Variants in SLC12A2 observed in about 807,000 individuals in gnomAD.
SLC12A2 encodes solute carrier family 12 member 2.
SLC12A2 carries 67 observed loss-of-function variants against 136.3 expected under a neutral mutation model. That is an observed-to-expected ratio of 0.49 (90% CI 0.40 to 0.60). The LOEUF (loss-of-function observed/expected upper bound fraction) is 0.60, where lower values mean the gene tolerates loss of function less well. Ranked by LOEUF, SLC12A2 falls within the 20% of genes least tolerant of loss-of-function variation. The pLI is 0.00. For synonymous variants in SLC12A2, 619 were observed against 562.9 expected (o/e 1.10, Z -1.41); for missense variants, 1,322 against 1,534.7 (o/e 0.86, Z 2.32).
At position 128,147,496 on chromosome 5, in the gene SLC12A2, G is replaced by T. The variant is rs142987216; in HGVS notation, c.1774-126G>T. The T allele has an allele frequency of 1.5e-3, 925 of 597,830 alleles. 14 individuals carry two copies. In the East Asian group the frequency reaches 0.026, roughly 17 times the overall value. 37.0% of individuals were successfully genotyped at this position (597,830 alleles called of 1,614,324 possible). ...AGATATTTGTAATGCACATAGCGTTGTTGTTATTATTATTATAAAATGATC... is the reference window on the plus strand; with the variant it reads ...AGATATTTGTAATGCACATAGCGTTTTTGTTATTATTATTATAAAATGATC... On this transcript the variant is annotated intron_variant, in intron 10 of 26. Transcript: ENST00000262461.
chr5:128,170,246 T>G (rs1252026899), intron 18 of SLC12A2: 1 of 152,214 alleles, frequency 6.6e-6, no homozygotes, highest in Non-Finnish European at 1.5e-5. Flanking sequence ...TTTAGTCGAT[T>G]TATTAAACAA....
At position 128,084,286 on chromosome 5, in the gene SLC12A2, C is replaced by T; in HGVS notation, c.332C>T (p.Ala111Val). ...AAAAAAAGAGAGAKQTPADGE... is the reference protein window; with the variant it reads ...AAAAAAAGAGVGAKQTPADGE... ...GCAGCGGCGGCGGCTGGTGCTGGGG[C>T]GGGGGCCAAGCAGACCCCCGCGGAC... is the stretch of plus-strand genomic sequence containing the variant. Residue 111 changes from alanine (A) to valine (V), a missense_variant, in exon 1 of 27, where the codon GCG (alanine) becomes GTG (valine). By Grantham distance (64) the Ala-to-Val change is moderately conservative. Coordinates refer to ENST00000262461, the MANE Select transcript of SLC12A2 (RefSeq NM_001046.3). The surrounding 1 kb of genome is among the most constrained non-coding windows in gnomAD (Gnocchi z 5.6). The T allele has an allele frequency of 2.1e-6, 3 of 1,456,616 alleles. No homozygotes were observed. The highest frequency in any genetic ancestry group is 2.7e-5 in the Admixed American group (1 of 37,622). 90.2% of individuals were successfully genotyped at this position (1,456,616 alleles called of 1,614,324 possible). A position where few individuals can be genotyped will look rare whatever the true frequency, so the allele number is the denominator to read the frequency against.
intron 16 of SLC12A2, among the ~76,000 whole-genome samples, chr5:128,158,815 C>A (rs1467706747): frequency 6.6e-6 from 1 of 151,412 alleles, no homozygotes; most frequent in African/African-American, 2.4e-5. Context: ...TACATTCCCA[C>A]CAGCAGTGTA....
At chr5:128,152,060 A>T (rs1762720050) in intron 14 of SLC12A2, among the ~76,000 whole-genome samples, 1 of 152,162 alleles carries the variant, frequency 6.6e-6, no homozygotes, top group South Asian at 2.1e-4. Flanking sequence ...GAAAGGCTTC[A>T]TCTGGGCTCA....
intron 10 of SLC12A2, among the ~76,000 whole-genome samples, chr5:128,144,700 C>CA (rs1762474366): frequency 6.6e-6 from 1 of 152,078 alleles, no homozygotes. Context: ...TGTACACACA[C>CA]ACATGCATAC....
Position 128,158,163 on chromosome 5 carries a change from T to C in SLC12A2, c.2474T>C (p.Met825Thr), listed in dbSNP as rs1167874915. 6 of 1,595,536 alleles carry C rather than the reference T, an allele frequency of 3.8e-6. No homozygotes were observed. The highest frequency in any genetic ancestry group is 1.8e-5 in the Admixed American group (1 of 56,446). The change falls in exon 16 of 27, where the codon ATG (methionine) becomes ACG (threonine). Residue 825 changes from methionine to threonine, a missense_variant and splice_region_variant. By Grantham distance (81) the Met-to-Thr change is moderately conservative (BLOSUM62 -1). This residue lies in a region of SLC12A2 where 294 missense variants were observed against 436.6 expected (regional missense o/e 0.67). Transcript: ENST00000262461. ...TTGATGATCTGTGGCCATGTACATA[T>C]GGTAAGTATCAATTTTGTTTTCTTT... is the stretch of plus-strand genomic sequence containing the variant. Reference protein sequence around the residue: ...VGLMICGHVHMGPRRQAMKEM... With the variant: ...VGLMICGHVHTGPRRQAMKEM...
intron 26 of SLC12A2, 79 bp downstream of exon 26, chr5:128,184,935 T>C (rs1391412402): frequency 1.6e-5 from 19 of 1,216,628 alleles, no homozygotes; most frequent in Non-Finnish European, 1.7e-5. Context: ...CAAGTACATA[T>C]CTATATAACA....
intron 4 of SLC12A2, among the ~76,000 whole-genome samples, chr5:128,121,267 T>C (rs1428166590): frequency 6.6e-6 from 1 of 152,180 alleles, no homozygotes; most frequent in Admixed American, 6.5e-5. Context: ...TAAAACATGC[T>C]TAGTTTCAGG....
chr5:128,126,966 A>ATATATATAATTTTTTT, intron 4 of SLC12A2, among the ~76,000 whole-genome samples: 2 of 21,156 alleles, frequency 9.5e-5, no homozygotes, highest in Non-Finnish European at 1.5e-4. Flanking sequence ...ATATATATAT[A>ATATATATAATTTTTTT]TTTTTTTTTT....
chr5:128,095,791 T>G (rs568018295), intron 1 of SLC12A2, among the ~76,000 whole-genome samples: 1 of 152,322 alleles, frequency 6.6e-6, no homozygotes, highest in South Asian at 2.1e-4. Flanking sequence ...TGGATACTCC[T>G]GTCTTAGAGT....
intron 18 of SLC12A2, chr5:128,170,531 A>G (rs1173671086): frequency 6.6e-6 from 1 of 152,186 alleles, no homozygotes; most frequent in African/African-American, 2.4e-5. Context: ...GATTTCATAT[A>G]GCTGTATCTT....
chr5:128,110,023 CA>C, intron 1 of SLC12A2: 9 of 1,070,828 alleles, frequency 8.4e-6, no homozygotes, highest in South Asian at 1.2e-5. Context: ...GTAGAAATCC[CA>C]AAAAGACTTG....
chr5:128,091,727 A>G (rs969853053), intron 1 of SLC12A2, among the ~76,000 whole-genome samples: 2 of 152,154 alleles, frequency 1.3e-5, no homozygotes, highest in Non-Finnish European at 2.9e-5. Flanking sequence ...TTCTAATTGG[A>G]AGAAGGGGGA....
In SLC12A2 at chr5:128,084,618, C is replaced by T; in HGVS notation, c.664C>T (p.Pro222Ser). Residue 222 changes from proline to serine, a missense_variant, in exon 1 of 27, where the codon CCC becomes TCC. Around this residue, in one of 8 missense-constraint regions of SLC12A2, gnomAD observed 32 missense variants for 63.6 expected, o/e 0.50. Coordinates refer to ENST00000262461, the MANE Select transcript of SLC12A2 (RefSeq NM_001046.3). The surrounding 1 kb of genome is among the most constrained non-coding windows in gnomAD (Gnocchi z 5.6). Reference sequence around the variant, plus strand: ...CGGCCACAACACCATGGACGCTGTGCCCAGGATCGATCACTACCGGCACAC... The same window carrying T: ...CGGCCACAACACCATGGACGCTGTGTCCAGGATCGATCACTACCGGCACAC... ...TFGHNTMDAV[P>S]RIDHYRHTAA... The T allele has an allele frequency of 6.2e-7, 1 of 1,613,498 alleles. No individual in the cohort carries two copies. The highest frequency in any genetic ancestry group is 8.5e-7 in the Non-Finnish European group (1 of 1,179,938).
intron 1 of SLC12A2, among the ~76,000 whole-genome samples, chr5:128,100,781 G>C (rs1365657780): frequency 6.6e-6 from 1 of 152,100 alleles, no homozygotes; most frequent in East Asian, 1.9e-4. Context: ...AAATTGTACA[G>C]TTACTAATTG....
intron 1 of SLC12A2, among the ~76,000 whole-genome samples, chr5:128,088,048 T>C (rs1760168732): frequency 6.6e-6 from 1 of 151,818 alleles, no homozygotes; most frequent in African/African-American, 2.4e-5. Flanking sequence ...TGTCTGTATA[T>C]AAACATATGT....
intron 4 of SLC12A2, among the ~76,000 whole-genome samples, chr5:128,125,795 A>G (rs540830147): frequency 6.6e-6 from 1 of 152,140 alleles, no homozygotes; most frequent in African/African-American, 2.4e-5. Context: ...TTAGATTTTT[A>G]TCTGTGGACA....
At position 128,186,665 on chromosome 5, in the gene SLC12A2, T is replaced by C. The variant is rs1763880096; in HGVS notation, c.*34T>C. The C allele has an allele frequency of 6.2e-7, 1 of 1,607,632 alleles. No individual in the cohort carries two copies. The highest frequency in any genetic ancestry group is 2.2e-5 in the East Asian group (1 of 44,840). On this transcript the variant is annotated 3_prime_UTR_variant, in exon 27 of 27. Transcript: ENST00000262461. ...TACAGTGGACAGCCCTCCAGAATGG[T>C]ACTTCAGTGCCTAGTGTAGTAACTG...
intron 1 of SLC12A2, among the ~76,000 whole-genome samples, chr5:128,087,422 G>T (rs13357283): frequency 0.17 from 25,241 of 152,114 alleles, 2,959 homozygotes; most frequent in African/African-American, 0.34. Context: ...AAGGATACTT[G>T]TAAAGATAGA....
Sources: gnomAD v4.1 joint callset for allele counts (sites outside exome capture counted in the v4.1 genomes callset) on GRCh38, gnomAD v4.1.1 for gene constraint, gnomAD v4.1.1 regional missense constraint, Gnocchi (gnomAD v3.1) non-coding constraint, MANE v1.5 for transcripts, NCBI Gene and HGNC (gene_info 2026-07-23, HGNC 2026-07-21) for gene names.